Variants in VPS13A observed in about 807,000 individuals in gnomAD.
The protein encoded by VPS13A is vacuolar protein sorting 13 homolog A, also known as intermembrane lipid transfer protein VPS13A.
VPS13A carries 264 observed loss-of-function variants against 390.9 expected under a neutral mutation model. The ratio of observed to expected loss-of-function variants is 0.68; its 90% CI spans 0.61 to 0.75. VPS13A has a LOEUF of 0.75. Ranked by LOEUF, VPS13A falls within the 30% of genes least tolerant of loss-of-function variation. VPS13A has a pLI of 0.00. For synonymous variants in VPS13A, 1,231 were observed against 1,227.1 expected (o/e 1.00, Z -0.07); for missense variants, 3,409 against 3,733.9 (o/e 0.91, Z 2.27).
chr9:77,195,799 T>C (rs1265107075), intron 1 of VPS13A, among the ~76,000 whole-genome samples: 1 of 152,166 alleles, frequency 6.6e-6, no homozygotes, highest in Admixed American at 6.5e-5. Flanking sequence ...CCATTCTCTT[T>C]CACTTATCTT....
chr9:77,349,942 C>G (rs527418655), intron 52 of VPS13A, among the ~76,000 whole-genome samples: 1 of 152,210 alleles, frequency 6.6e-6, no homozygotes, highest in South Asian at 2.1e-4. Flanking sequence ...CCGCGCCCAG[C>G]CCAGTTTATC....
intron 22 of VPS13A, among the ~76,000 whole-genome samples, chr9:77,257,005 T>C (rs1192552733): frequency 2.0e-5 from 3 of 152,152 alleles, no homozygotes; most frequent in Non-Finnish European, 2.9e-5. Context: ...TAAATACAGA[T>C]GGGGAGGACT....
chr9:77,390,652 G>A (rs958670344), intron 68 of VPS13A, among the ~76,000 whole-genome samples: 4 of 67,592 alleles, frequency 5.9e-5, no homozygotes, highest in East Asian at 7.4e-4. Context: ...CCCCCACCCC[G>A]TCCCTCTCTT....
At chr9:77,240,636 C>T (rs540472971) in intron 19 of VPS13A, among the ~76,000 whole-genome samples, 1 of 150,682 alleles carries the variant, frequency 6.6e-6, no homozygotes, top group African/African-American at 2.4e-5. Context: ...TGCCACCACA[C>T]CCAGCTAATT....
chr9:77,324,608 A>G (rs1340777229), intron 45 of VPS13A, among the ~76,000 whole-genome samples: 1 of 152,212 alleles, frequency 6.6e-6, no homozygotes, highest in Non-Finnish European at 1.5e-5. Flanking sequence ...ATGACGTCTT[A>G]CTAACCTTTT....
In VPS13A at chr9:77,344,143, T is replaced by C; in HGVS notation, c.7027-10T>C. Reference sequence around the variant, plus strand: ...TTTATTTTTATAAACATATATAATGTATATTTTAGTGTATCCCCTTTTGGC... The same window carrying C: ...TTTATTTTTATAAACATATATAATGCATATTTTAGTGTATCCCCTTTTGGC... On this transcript the variant is annotated splice_polypyrimidine_tract_variant and intron_variant, in intron 50 of 71. Coordinates refer to ENST00000360280, the MANE Select transcript of VPS13A (RefSeq NM_033305.3). 3.2e-6 allele frequency: 5 copies of C among 1,570,060 alleles called. No homozygotes were observed. Among genetic ancestry groups the C allele is most frequent in the Non-Finnish European group, 4.4e-6 (5 of 1,141,186 alleles).
At position 77,377,284 on chromosome 9, in the gene VPS13A, A is replaced by G. The variant is rs564783209; in HGVS notation, c.9078-4692A>G. On this transcript the variant is annotated intron_variant, in intron 67 of 71. Transcript: ENST00000360280. ...CCAGACTGCGGACTGCAGTGGCGCA[A>G]TCTCGGCTCACTGCAAGCTCCGCTT... Among the ~76,000 whole-genome samples the G allele has an allele frequency of 2.0e-4, 28 of 137,818 alleles. No individual in the cohort carries two copies. In the South Asian group the frequency reaches 4.4e-3, roughly 22 times the overall value. 90.4% of individuals were successfully genotyped at this position (137,818 alleles called of 152,430 possible).
chr9:77,205,045 G>T (rs1042175280), intron 3 of VPS13A, among the ~76,000 whole-genome samples: 1 of 152,110 alleles, frequency 6.6e-6, no homozygotes, highest in African/African-American at 2.4e-5. Context: ...TTTGTTTATG[G>T]TACAGAGAAC....
At chr9:77,405,699 G>A (rs1834568186) in intron 69 of VPS13A, among the ~76,000 whole-genome samples, 165 bp from the exon 70 acceptor site, 1 of 152,088 alleles carries the variant, frequency 6.6e-6, no homozygotes, top group Admixed American at 6.6e-5. Context: ...ATGATCTGAG[G>A]ACACACTTTA....
chr9:77,387,521 C>A (rs76015959), intron 68 of VPS13A, among the ~76,000 whole-genome samples: 1 of 152,034 alleles, frequency 6.6e-6, no homozygotes, highest in African/African-American at 2.4e-5. Context: ...GTCTACCTGA[C>A]GCTTGAATAA....
intron 52 of VPS13A, among the ~76,000 whole-genome samples, chr9:77,347,620 G>T (rs915163944): frequency 5.9e-5 from 9 of 152,026 alleles, no homozygotes; most frequent in Non-Finnish European, 1.2e-4. Flanking sequence ...GGGTTTACAG[G>T]CATGTGCCAC....
Position 77,281,739 on chromosome 9 carries a change from G to GTA in VPS13A, c.2905-110_2905-109dup, listed in dbSNP as rs111517856. On this transcript the variant is annotated intron_variant, in intron 27 of 71. Coordinates refer to ENST00000360280, the MANE Select transcript of VPS13A (RefSeq NM_033305.3). ...GGTAATTATATGTGTGTGTATATGTGTATATATATATATATATATGTATAT... is the reference window on the plus strand; with the variant it reads ...GGTAATTATATGTGTGTGTATATGTGTATATATATATATATATATATGTATAT... 0.11 allele frequency: 52,588 copies of GTA among 476,390 alleles called. 1,019 individuals carry two copies. The highest frequency in any genetic ancestry group is 0.14 in the Middle Eastern group (250 of 1,806). The allele number at this position is 476,390 out of a possible 1,614,324, so 29.5% of individuals were successfully genotyped here.
chr9:77,335,250 A>G (rs908898705), intron 46 of VPS13A, among the ~76,000 whole-genome samples: 2 of 152,230 alleles, frequency 1.3e-5, no homozygotes, highest in Admixed American at 6.5e-5. Context: ...AATGTAAACA[A>G]TGTAATATTC....
intron 17 of VPS13A, among the ~76,000 whole-genome samples, chr9:77,234,339 G>T (rs1824008531): frequency 6.6e-6 from 1 of 152,022 alleles, no homozygotes; most frequent in Admixed American, 6.6e-5. Flanking sequence ...ACCATACCTG[G>T]CTAAAGATTA....
chr9:77,209,124 T>C (rs568378237), intron 5 of VPS13A, among the ~76,000 whole-genome samples: 1 of 152,220 alleles, frequency 6.6e-6, no homozygotes, highest in African/African-American at 2.4e-5. Flanking sequence ...ATTGTAATTC[T>C]TACCCAATAA....
intron 1 of VPS13A, among the ~76,000 whole-genome samples, chr9:77,192,382 C>T (rs1041349365): frequency 6.6e-6 from 1 of 151,984 alleles, no homozygotes; most frequent in Non-Finnish European, 1.5e-5. Flanking sequence ...ATCCTGTTAT[C>T]GTGTTGTTAG....
chr9:77,208,548 C>T (rs537293254), intron 5 of VPS13A, among the ~76,000 whole-genome samples: 1 of 151,904 alleles, frequency 6.6e-6, no homozygotes, highest in South Asian at 2.1e-4. Flanking sequence ...CTTCTTTATT[C>T]TTGGTTTTTC....
At position 77,177,611 on chromosome 9, in the gene VPS13A, C is replaced by G. The variant is rs1217185140; in HGVS notation, c.-94C>G. 3 of 1,194,654 alleles carry G rather than the reference C, an allele frequency of 2.5e-6. No homozygotes were observed. Among genetic ancestry groups the G allele is most frequent in the Non-Finnish European group, 2.4e-6 (2 of 824,566 alleles). 74.0% of individuals were successfully genotyped at this position (1,194,654 alleles called of 1,614,324 possible). The stretch of plus-strand genomic sequence containing the variant: ...GCCGCAGCTGAAGCCGCCCCGGAGC[C>G]GGTGAACCGAATTACCTCGAGGGAG... On this transcript the variant is annotated 5_prime_UTR_variant, in exon 1 of 72. Coordinates refer to ENST00000360280, the MANE Select transcript of VPS13A (RefSeq NM_033305.3).
chr9:77,214,654 C>T (rs962455070), intron 10 of VPS13A, among the ~76,000 whole-genome samples: 15 of 152,092 alleles, frequency 9.9e-5, no homozygotes, highest in African/African-American at 3.6e-4. Flanking sequence ...AAGGATTATT[C>T]AGTAACAATT....
Sources: allele counts gnomAD v4.1 joint callset (sites outside exome capture counted in the v4.1 genomes callset), GRCh38; gene constraint gnomAD v4.1.1; transcripts MANE v1.5; gene names NCBI Gene and HGNC (gene_info 2026-07-23, HGNC 2026-07-21).